FIGN: variants seen among roughly 807,000 people sequenced by gnomAD.
The protein encoded by FIGN is fidgetin.
Under a neutral mutation model 51.3 loss-of-function variants are expected in FIGN, and 11 were observed. That is an observed-to-expected ratio of 0.21 (90% confidence interval 0.13 to 0.35). FIGN has a LOEUF of 0.35. Ranked by LOEUF, FIGN falls within the 10% of genes least tolerant of loss-of-function variation. The probability of loss-of-function intolerance (pLI) is 1.00; values close to 1 mark genes in which losing one functional copy is unlikely to be tolerated. For missense variants in FIGN, 857 were observed against 943.6 expected (o/e 0.91, Z 1.20); for synonymous variants, 407 against 363.2 (o/e 1.12, Z -1.37).
chr2:163,675,706 CTTTT>C (rs900840520), intron 2 of FIGN, among the ~76,000 whole-genome samples: 21 of 100,516 alleles, frequency 2.1e-4, no homozygotes, highest in East Asian at 1.4e-3. Context: ...TTCTTTCTTT[CTTTT>C]TTTTTTTTTT....
Position 163,734,985 on chromosome 2 carries a change from G to T in FIGN, c.-58C>A. On this transcript the variant is annotated 5_prime_UTR_variant, in exon 2 of 3. Transcript: ENST00000333129. ...TTTCTCACAAGCAGGAATTCCAAAG[G>T]TTGCTTTTCATTAAAGCCACTTTTC... 6.3e-7 allele frequency: 1 copy of T among 1,596,524 alleles called. No homozygotes were observed. The highest frequency in any genetic ancestry group is 8.5e-7 in the Non-Finnish European group (1 of 1,170,298).
At chr2:163,657,967 T>G (rs1242426198) in intron 2 of FIGN, among the ~76,000 whole-genome samples, 1 of 152,102 alleles carries the variant, frequency 6.6e-6, no homozygotes, top group Non-Finnish European at 1.5e-5. Context: ...TATTTGCCTA[T>G]TCCAGGGTTT....
chr2:163,697,434 C>A (rs1684340073), intron 2 of FIGN, among the ~76,000 whole-genome samples: 1 of 152,174 alleles, frequency 6.6e-6, no homozygotes. Context: ...TCCATCTCCC[C>A]CAACCCGGAG....
intron 2 of FIGN, among the ~76,000 whole-genome samples, chr2:163,727,300 A>T (rs9653281): frequency 1 from 151,673 of 152,000 alleles, 75,682 homozygotes; most frequent in Middle Eastern, 1. Context: ...ACTACAGAAT[A>T]TGGAGATAGA....
At chr2:163,658,993 G>C (rs570621106) in intron 2 of FIGN, among the ~76,000 whole-genome samples, 1 of 152,200 alleles carries the variant, frequency 6.6e-6, no homozygotes, top group South Asian at 2.1e-4. Context: ...AGCCAGAAAG[G>C]AGTCAGAACA....
rs1025783128 is a variant in FIGN, at chr2:163,605,605, A to G, written c.*3947T>C. On this transcript the variant is annotated 3_prime_UTR_variant, in exon 3 of 3. Coordinates refer to ENST00000333129, the MANE Select transcript of FIGN (RefSeq NM_018086.4). ...GGTGGTGATGAAAGAACACACACAC[A>G]TACACACATACAAACACACACACTA... is the stretch of plus-strand genomic sequence containing the variant. 1 of 152,040 alleles carries G rather than the reference A, an allele frequency of 6.6e-6. No individual in the cohort carries two copies. Among genetic ancestry groups the G allele is most frequent in the Non-Finnish European group, 1.5e-5 (1 of 67,992 alleles). The allele number at this position is 152,040 out of a possible 1,614,324, so 9.4% of individuals were successfully genotyped here.
chr2:163,726,002 C>T (rs568299926), intron 2 of FIGN, among the ~76,000 whole-genome samples: 86 of 151,990 alleles, frequency 5.7e-4, no homozygotes, highest in African/African-American at 2.0e-3. Context: ...AAATTGATAT[C>T]GATGATTGGT....
intron 2 of FIGN, among the ~76,000 whole-genome samples, chr2:163,634,113 TG>T (rs200798381): frequency 1.5e-4 from 23 of 151,390 alleles, no homozygotes; most frequent in Non-Finnish European, 1.9e-4. Flanking sequence ...TGTGTGTGTG[TG>T]TGTGTGTGTT....
intron 2 of FIGN, among the ~76,000 whole-genome samples, chr2:163,733,793 A>G (rs1327363944): frequency 6.6e-6 from 1 of 152,108 alleles, no homozygotes; most frequent in East Asian, 1.9e-4. Context: ...TCGTATTCAC[A>G]TTTGTGTTAG....
intron 2 of FIGN, among the ~76,000 whole-genome samples, chr2:163,708,303 T>C (rs1472338634): frequency 1.4e-4 from 21 of 152,208 alleles, no homozygotes; most frequent in Non-Finnish European, 8.8e-5. Context: ...TAATTAAGAC[T>C]GTTCCAATTA....
intron 2 of FIGN, among the ~76,000 whole-genome samples, chr2:163,721,537 CCTT>C (rs1684756748): frequency 6.6e-6 from 1 of 152,154 alleles, no homozygotes; most frequent in Non-Finnish European, 1.5e-5. Context: ...AATGTACTGT[CCTT>C]TACTATTAGA....
chr2:163,610,801 G>C lies in FIGN; in HGVS notation c.1031C>G (p.Thr344Arg). ...GGGCATTCTGTACATAGGACTCTGT[G>C]TAGATCTCTGTTGGCCATAGCTGTA... ...GNYSYGQQRSTQSPMYRMPDN... is the reference protein window; with the variant it reads ...GNYSYGQQRSRQSPMYRMPDN... The change falls in exon 3 of 3, where the codon ACA (threonine) becomes AGA (arginine). Residue 344 changes from threonine (T) to arginine (R), a missense_variant. By Grantham distance (71) the Thr-to-Arg change is moderately conservative. Transcript: ENST00000333129. 6.2e-7 allele frequency: 1 copy of C among 1,614,086 alleles called. No homozygotes were observed. Among genetic ancestry groups the C allele is most frequent in the Non-Finnish European group, 8.5e-7 (1 of 1,180,002 alleles).
chr2:163,621,926 C>A (rs142442011), intron 2 of FIGN, among the ~76,000 whole-genome samples: 3 of 152,086 alleles, frequency 2.0e-5, no homozygotes, highest in African/African-American at 7.2e-5. Context: ...GAAATTGTTT[C>A]TTGAGATCCC....
At chr2:163,728,759 C>T (rs183580229) in intron 2 of FIGN, among the ~76,000 whole-genome samples, 1 of 152,258 alleles carries the variant, frequency 6.6e-6, no homozygotes, top group East Asian at 1.9e-4. Context: ...TTTGTTCAGG[C>T]ACACAGGCCC....
chr2:163,635,827 C>T (rs1683215112), intron 2 of FIGN, among the ~76,000 whole-genome samples: 1 of 151,952 alleles, frequency 6.6e-6, no homozygotes, highest in South Asian at 2.1e-4. Context: ...CCAGATATGA[C>T]ATTTTTAAGA....
At chr2:163,727,565 G>A (rs929273913) in intron 2 of FIGN, among the ~76,000 whole-genome samples, 3 of 151,978 alleles carry the variant, frequency 2.0e-5, no homozygotes, top group African/African-American at 4.8e-5. Flanking sequence ...CATTTCTCCC[G>A]ACAAAGTCTA....
chr2:163,631,253 G>A (rs183007894), intron 2 of FIGN, among the ~76,000 whole-genome samples: 85 of 152,158 alleles, frequency 5.6e-4, no homozygotes, highest in Admixed American at 2.9e-3. Flanking sequence ...AAATATTTTC[G>A]TATCTATGCC....
intron 2 of FIGN, among the ~76,000 whole-genome samples, chr2:163,646,347 A>G (rs1278827970): frequency 6.6e-6 from 1 of 152,150 alleles, no homozygotes; most frequent in Non-Finnish European, 1.5e-5. Flanking sequence ...ACTAAGCTCT[A>G]AAACAGAGAC....
At chr2:163,612,785 AAG>A (rs147434594) in intron 2 of FIGN, among the ~76,000 whole-genome samples, 68 of 144,010 alleles carry the variant, frequency 4.7e-4, no homozygotes, top group Middle Eastern at 7.2e-3. Context: ...ATGAGAGAGA[AAG>A]AGAGAGAGAG....
Sources: allele counts gnomAD v4.1 joint callset (sites outside exome capture counted in the v4.1 genomes callset), GRCh38; gene constraint gnomAD v4.1.1; transcripts MANE v1.5; gene names NCBI Gene and HGNC (gene_info 2026-07-23, HGNC 2026-07-21).